CDH2: variants seen among roughly 807,000 people sequenced by gnomAD.
CDH2 encodes the protein cadherin 2, also known as cadherin-2.
A neutral mutation model predicts 92.0 loss-of-function variants in CDH2; 17 were observed. The observed-to-expected ratio is 0.18, with a 90% CI of 0.13 to 0.28. CDH2 has a LOEUF of 0.28. Ranked by LOEUF, CDH2 falls within the 10% of genes least tolerant of loss-of-function variation. The probability of loss-of-function intolerance (pLI) is 1.00; values close to 1 mark genes in which losing one functional copy is unlikely to be tolerated. For missense variants in CDH2, 862 were observed against 1,133.1 expected (o/e 0.76, Z 3.44); for synonymous variants, 419 against 415.9 (o/e 1.01, Z -0.09).
intron 6 of CDH2, among the ~76,000 whole-genome samples, chr18:27,937,370 C>T (rs1451048335): frequency 2.0e-5 from 3 of 152,052 alleles, no homozygotes; most frequent in Non-Finnish European, 4.4e-5. Context: ...AGGCAACTTA[C>T]ATATATACTT....
At chr18:28,058,106 T>G (rs1424921272) in intron 2 of CDH2, among the ~76,000 whole-genome samples, 1 of 152,220 alleles carries the variant, frequency 6.6e-6, no homozygotes, top group Non-Finnish European at 1.5e-5. Context: ...CAATGGGATG[T>G]AAATATGTTC....
intron 2 of CDH2, among the ~76,000 whole-genome samples, chr18:28,101,556 C>G (rs555890052): frequency 1.3e-5 from 2 of 152,112 alleles, no homozygotes; most frequent in African/African-American, 2.4e-5. Context: ...ACAAATACAT[C>G]GTCACACATT....
intron 2 of CDH2, among the ~76,000 whole-genome samples, chr18:28,125,866 A>G (rs1402822661): frequency 6.6e-6 from 1 of 152,190 alleles, no homozygotes; most frequent in Non-Finnish European, 1.5e-5. Context: ...CATTTAAGAA[A>G]TATTTTAGGG....
intron 2 of CDH2, among the ~76,000 whole-genome samples, chr18:28,090,286 T>C (rs2015012579): frequency 6.6e-6 from 1 of 152,232 alleles, no homozygotes; most frequent in Admixed American, 6.5e-5. Flanking sequence ...CTCAATAACA[T>C]CTAAATTAAT....
intron 2 of CDH2, among the ~76,000 whole-genome samples, chr18:28,059,928 T>C (rs1456612741): frequency 6.6e-6 from 1 of 152,198 alleles, no homozygotes; most frequent in Non-Finnish European, 1.5e-5. Flanking sequence ...TCCTACATTT[T>C]CCCCTGCGAT....
intron 1 of CDH2, among the ~76,000 whole-genome samples, chr18:28,153,065 T>C (rs1200781025): frequency 2.0e-5 from 3 of 152,052 alleles, no homozygotes; most frequent in African/African-American, 4.8e-5. Context: ...GCAGAAAGAA[T>C]GGGATGATAA....
Position 27,985,652 on chromosome 18 carries a change from G to T in CDH2, c.1851C>A (p.Asp617Glu), listed in dbSNP as rs1422448817. 6.2e-7 allele frequency: 1 copy of T among 1,613,520 alleles called. No individual in the cohort carries two copies. Among genetic ancestry groups the T allele is most frequent in the East Asian group, 2.2e-5 (1 of 44,874 alleles). The change falls in exon 12 of 16, where the codon GAC becomes GAA. Residue 617 changes from aspartate (D) to glutamate (E), a missense_variant. By Grantham distance (45) the Asp-to-Glu change is conservative. Around this residue, in one of 5 missense-constraint regions of CDH2, gnomAD observed 564 missense variants for 722.2 expected, o/e 0.78. Transcript: ENST00000269141. Reference sequence around the variant, plus strand: ...GTGCTGTAATATTAATTGAATTGGGGTCTGGAGTTTCGCAAGTCTCTGCCT... The same window carrying T: ...GTGCTGTAATATTAATTGAATTGGGTTCTGGAGTTTCGCAAGTCTCTGCCT... ...PQEAETCETP[D>E]PNSINITALD... is the part of the protein sequence containing the mutation.
intron 2 of CDH2, among the ~76,000 whole-genome samples, chr18:28,096,274 T>C (rs891787484): frequency 2.6e-5 from 4 of 152,174 alleles, no homozygotes; most frequent in Non-Finnish European, 5.9e-5. Context: ...GCAAAAATTA[T>C]GAACAATTTT....
At chr18:28,010,908 C>CCAAAGTGCT (rs1397159379) in intron 4 of CDH2, among the ~76,000 whole-genome samples, 1 of 150,506 alleles carries the variant, frequency 6.6e-6, no homozygotes, top group Non-Finnish European at 1.5e-5. Context: ...CCTCAGCCTT[C>CCAAAGTGCT]CAAAGTGCTG....
chr18:28,152,396 A>T (rs2016137773), intron 1 of CDH2, among the ~76,000 whole-genome samples: 1 of 152,190 alleles, frequency 6.6e-6, no homozygotes, highest in Admixed American at 6.5e-5. Flanking sequence ...TAAGGAGCTC[A>T]AGATTTAATG....
At chr18:27,984,942 T>C in intron 13 of CDH2, 58 bp downstream of exon 13, 1 of 1,374,966 alleles carries the variant, frequency 7.3e-7, no homozygotes, top group Non-Finnish European at 1.0e-6. Flanking sequence ...CACATGACTT[T>C]GCTGAACATC....
intron 2 of CDH2, among the ~76,000 whole-genome samples, chr18:28,045,067 A>T (rs1599059081): frequency 6.6e-6 from 1 of 152,158 alleles, no homozygotes; most frequent in Admixed American, 6.5e-5. Context: ...TAACACCCAC[A>T]TTCCTCTGAG....
chr18:28,158,420 G>C (rs867598288), intron 1 of CDH2, among the ~76,000 whole-genome samples: 42 of 152,328 alleles, frequency 2.8e-4, no homozygotes, highest in South Asian at 2.5e-3. Context: ...AAGGGTGAAG[G>C]ACAAGCATTG....
At chr18:28,010,492 T>C (rs2013063948) in intron 4 of CDH2, among the ~76,000 whole-genome samples, 1 of 152,118 alleles carries the variant, frequency 6.6e-6, no homozygotes, top group African/African-American at 2.4e-5. Flanking sequence ...CATTATATCA[T>C]TATAGGCTCA....
intron 6 of CDH2, 135 bp downstream of exon 6, chr18:28,005,714 T>C: frequency 1.6e-6 from 1 of 612,238 alleles, no homozygotes; most frequent in Non-Finnish European, 2.7e-6. Flanking sequence ...CCTTCCTTCT[T>C]TCCCAAAAGC....
chr18:28,147,661 T>G lies in CDH2; in HGVS notation c.172+12A>C. The G allele has an allele frequency of 6.6e-7, 1 of 1,503,942 alleles. No homozygotes were observed. The highest frequency in any genetic ancestry group is 9.2e-7 in the Non-Finnish European group (1 of 1,086,454). 93.2% of individuals were successfully genotyped at this position (1,503,942 alleles called of 1,614,324 possible). A position where few individuals can be genotyped will look rare whatever the true frequency, so the allele number is the denominator to read the frequency against. ...GACACTGCATGTACAAATATATCTT[T>G]TGAGATAGTACCATTGAGAAGAGGC... On this transcript the variant is annotated intron_variant, in intron 2 of 15. Coordinates refer to ENST00000269141, the MANE Select transcript of CDH2 (RefSeq NM_001792.5).
intron 2 of CDH2, among the ~76,000 whole-genome samples, chr18:28,024,602 C>T (rs1029648456): frequency 1.1e-4 from 16 of 151,076 alleles, no homozygotes; most frequent in African/African-American, 2.9e-4. Flanking sequence ...AAAATATATA[C>T]AATATAATCA....
At chr18:28,027,688 A>G (rs117230219) in intron 2 of CDH2, among the ~76,000 whole-genome samples, 2,569 of 152,254 alleles carry the variant, frequency 0.017, 36 homozygotes, top group Middle Eastern at 0.037. Context: ...CCTTGTATAC[A>G]TTCTAATAAC....
chr18:28,150,242 C>T (rs564137169), intron 1 of CDH2, among the ~76,000 whole-genome samples: 6 of 152,302 alleles, frequency 3.9e-5, no homozygotes, highest in African/African-American at 1.4e-4. Context: ...CCAGAAACGC[C>T]GTGGCCAGAA....
Sources: gnomAD v4.1 joint callset for allele counts (sites outside exome capture counted in the v4.1 genomes callset) on GRCh38, gnomAD v4.1.1 for gene constraint, gnomAD v4.1.1 regional missense constraint, MANE v1.5 for transcripts, NCBI Gene and HGNC (gene_info 2026-07-23, HGNC 2026-07-21) for gene names.